NME1: variants seen among roughly 807,000 people sequenced by gnomAD.
NME1 encodes the protein nucleoside diphosphate kinase A.
Under a neutral mutation model 17.2 loss-of-function variants are expected in NME1, and 9 were observed. The observed-to-expected ratio is 0.52, with a 90% CI of 0.32 to 0.92. The LOEUF (loss-of-function observed/expected upper bound fraction) is 0.92, where lower values mean the gene tolerates loss of function less well. NME1 is among the 40% of genes least tolerant of loss of function. NME1 has a pLI of 0.04. For missense variants in NME1, 169 were observed against 201.7 expected (o/e 0.84, Z 0.98); for synonymous variants, 72 against 70.8 (o/e 1.02, Z -0.09).
intron 2 of NME1, among the ~76,000 whole-genome samples, chr17:51,157,839 G>A (rs2049809000): frequency 6.6e-6 from 1 of 152,140 alleles, no homozygotes; most frequent in Non-Finnish European, 1.5e-5. Flanking sequence ...GGATATATGG[G>A]TTTGGTGAAG....
At chr17:51,154,219 T>C (rs2049750494) in intron 1 of NME1, 1 of 710,104 alleles carries the variant, frequency 1.4e-6, no homozygotes, top group South Asian at 1.5e-5. Flanking sequence ...TCCTATTGAC[T>C]GCTAGGCCCT....
intron 3 of NME1, chr17:51,160,714 A>C: frequency 3.6e-6 from 1 of 281,380 alleles, no homozygotes. Flanking sequence ...GGTTCACGCC[A>C]TTCTCCTGCC....
intron 4 of NME1, chr17:51,161,488 C>G (rs1043168439): frequency 1.5e-6 from 1 of 668,126 alleles, no homozygotes; most frequent in Non-Finnish European, 2.6e-6. Flanking sequence ...GTACAACACA[C>G]TTTGCTGGCC....
intron 1 of NME1, chr17:51,154,397 G>A: frequency 1.2e-6 from 2 of 1,614,112 alleles, no homozygotes; most frequent in South Asian, 2.2e-5. Context: ...CTACTTTAGG[G>A]ATCGTCTTTC....
intron 2 of NME1, among the ~76,000 whole-genome samples, chr17:51,157,495 C>T (rs2144862682): frequency 6.6e-6 from 1 of 152,300 alleles, no homozygotes; most frequent in African/African-American, 2.4e-5. Flanking sequence ...CATTAGGCCT[C>T]ACCTCCCAAC....
intron 1 of NME1, chr17:51,154,444 G>A (rs757370563): frequency 6.2e-7 from 1 of 1,613,740 alleles, no homozygotes; most frequent in African/African-American, 1.3e-5. Context: ...TGTGATACAG[G>A]GTAGGTCATG....
chr17:51,154,220 GC>G, intron 1 of NME1: 1 of 706,294 alleles, frequency 1.4e-6, no homozygotes, highest in East Asian at 2.6e-5. Context: ...CCTATTGACT[GC>G]TAGGCCCTGT....
At chr17:51,161,441 C>T (rs1323802420) in intron 4 of NME1, 169 bp downstream of exon 4, 4 of 731,746 alleles carry the variant, frequency 5.5e-6, no homozygotes, top group South Asian at 1.6e-5. Context: ...GTTAACATCA[C>T]TTAGTCGTAC....
intron 3 of NME1, 47 bp downstream of exon 3, chr17:51,160,128 C>T (rs1337704568): frequency 1.9e-6 from 3 of 1,599,470 alleles, no homozygotes; most frequent in Non-Finnish European, 2.6e-6. Context: ...TGCTTGTCAT[C>T]TGTGCTAGGC....
At position 51,155,757 on chromosome 17, in the gene NME1, CTTG is replaced by C. The variant is rs775907856; in HGVS notation, c.107_109del (p.Val36del). ...GCGTTTTGAGCAGAAAGGATTCCGC[CTTG>C]TTGGTCTGAAATTCATGCAAGTAAG... On this transcript the variant is annotated inframe_deletion, in exon 2 of 5. Coordinates refer to ENST00000393196, the MANE Select transcript of NME1 (RefSeq NM_000269.3). 7.2e-5 allele frequency: 116 copies of C among 1,613,790 alleles called. No individual in the cohort carries two copies. Among genetic ancestry groups the C allele is most frequent in the Middle Eastern group, 1.6e-4 (1 of 6,084 alleles).
rs1009282303 is a variant in NME1 at position 51,162,024 on chromosome 17, T to C, written c.*179T>C. 1.4e-5 allele frequency: 8 copies of C among 590,368 alleles called. No homozygotes were observed. In the East Asian group the frequency reaches 2.3e-4, roughly 17 times the overall value. 36.6% of individuals were successfully genotyped at this position (590,368 alleles called of 1,614,324 possible). ...ATCCCCGACCATCTGATTAAAATGC[T>C]TCCTCCCAGCATAGGATTCATTGAG... On this transcript the variant is annotated 3_prime_UTR_variant, in exon 5 of 5. Coordinates refer to ENST00000393196, the MANE Select transcript of NME1 (RefSeq NM_000269.3).
chr17:51,154,549 CTG>C (rs763105963), intron 1 of NME1: 19 of 953,790 alleles, frequency 2.0e-5, no homozygotes, highest in Non-Finnish European at 3.1e-5. Flanking sequence ...TTCCTAATGT[CTG>C]TAGTTCTCCC....
chr17:51,156,109 G>A (rs992288609), intron 2 of NME1: 28 of 341,148 alleles, frequency 8.2e-5, no homozygotes, highest in African/African-American at 5.3e-4. Context: ...TTCCTGAGCA[G>A]ATAATTTTAG....
chr17:51,160,203 A>G (rs1229082669), intron 3 of NME1, 122 bp downstream of exon 3: 2 of 1,011,586 alleles, frequency 2.0e-6, no homozygotes, highest in Non-Finnish European at 3.1e-6. Context: ...TTCATATACC[A>G]GCTAATGGTT....
intron 4 of NME1, 132 bp downstream of exon 4, chr17:51,161,404 C>G (rs942824073): frequency 2.1e-6 from 2 of 954,658 alleles, no homozygotes; most frequent in African/African-American, 3.3e-5. Flanking sequence ...GTTTTCCTCC[C>G]TCTTAAGTTG....
Position 51,160,060 on chromosome 17 carries a change from C to T in NME1, c.207C>T (p.His69=), listed in dbSNP as rs1160301923. ...PFFAGLVKYM[H]SGPVVAMVWE... ...TTGCCGGCCTGGTGAAATACATGCA[C>T]TCAGGGCCGGTAGTTGCCATGGTGA... Residue 69 remains histidine, a synonymous_variant, in exon 3 of 5, where the codon CAC becomes CAT. Transcript: ENST00000393196. 1.2e-6 allele frequency: 2 copies of T among 1,614,172 alleles called. No homozygotes were observed. The highest frequency in any genetic ancestry group is 1.1e-5 in the South Asian group (1 of 91,084).
At chr17:51,157,023 C>T (rs2049797985) in intron 2 of NME1, among the ~76,000 whole-genome samples, 1 of 150,908 alleles carries the variant, frequency 6.6e-6, no homozygotes. Flanking sequence ...AAAAGAATTC[C>T]AATTCTCAAA....
chr17:51,161,634 C>T (rs75065985), intron 4 of NME1, 94 bp from the exon 5 acceptor site: 1 of 952,814 alleles, frequency 1.0e-6, no homozygotes, highest in Non-Finnish European at 1.7e-6. Context: ...CATGGAGCTT[C>T]AGCTTTTATG....
At position 51,161,270 on chromosome 17, in the gene NME1, C is replaced by T; in HGVS notation, c.339C>T (p.Gly113=). 6.2e-7 allele frequency: 1 copy of T among 1,605,302 alleles called. No individual in the cohort carries two copies. Among genetic ancestry groups the T allele is most frequent in the East Asian group, 2.2e-5 (1 of 44,686 alleles). The change falls in exon 4 of 5, where the codon GGC becomes GGT. Residue 113 remains glycine (G), a splice_region_variant and synonymous_variant. Transcript: ENST00000393196. ...GTGGAGACTTCTGCATACAAGTTGG[C>T]AGGTGAGATTTTGGTATTTTTCCCC... is the stretch of plus-strand genomic sequence containing the variant. ...TIRGDFCIQV[G]RNIIHGSDSV... is the part of the protein sequence containing the mutation.
Sources: gnomAD v4.1 joint callset for allele counts (sites outside exome capture counted in the v4.1 genomes callset) on GRCh38, gnomAD v4.1.1 for gene constraint, MANE v1.5 for transcripts, NCBI Gene and HGNC (gene_info 2026-07-23, HGNC 2026-07-21) for gene names.